XKR6: variants seen among roughly 807,000 people sequenced by gnomAD.
The protein encoded by XKR6 is XK related 6, also known as XK-related protein 6.
XKR6 carries 22 observed loss-of-function variants against 56.7 expected under a neutral mutation model. The ratio of observed to expected loss-of-function variants is 0.39; its 90% CI spans 0.28 to 0.55. XKR6 has a LOEUF of 0.55. Ranked by LOEUF, XKR6 falls within the 20% of genes least tolerant of loss-of-function variation. The pLI is 0.66. For missense variants in XKR6, 852 were observed against 889.0 expected (o/e 0.96, Z 0.53); for synonymous variants, 524 against 387.8 (o/e 1.35, Z -4.13).
At chr8:10,978,638 C>A (rs1797650117) in intron 1 of XKR6, among the ~76,000 whole-genome samples, 2 of 152,228 alleles carry the variant, frequency 1.3e-5, no homozygotes, top group South Asian at 4.1e-4. Context: ...CTGCCCTTAA[C>A]ATAGATGGAA....
chr8:11,051,805 T>C (rs1368022102), intron 1 of XKR6, among the ~76,000 whole-genome samples: 1 of 152,170 alleles, frequency 6.6e-6, no homozygotes, highest in Non-Finnish European at 1.5e-5. Context: ...TAGCCTTTTT[T>C]TCTGTGTTTC....
chr8:11,036,249 G>A (rs1799140472), intron 1 of XKR6, among the ~76,000 whole-genome samples: 2 of 152,100 alleles, frequency 1.3e-5, no homozygotes, highest in Admixed American at 1.3e-4. Context: ...CACCCAGCCT[G>A]GAAGTTCCTT....
At chr8:10,952,046 A>G (rs1192135598) in intron 1 of XKR6, among the ~76,000 whole-genome samples, 2 of 152,154 alleles carry the variant, frequency 1.3e-5, no homozygotes, top group Non-Finnish European at 2.9e-5. Flanking sequence ...GAGAAGGGCC[A>G]GCTATAAAGG....
At chr8:11,070,172 T>G (rs1390954181) in intron 1 of XKR6, among the ~76,000 whole-genome samples, 1 of 152,168 alleles carries the variant, frequency 6.6e-6, no homozygotes, top group African/African-American at 2.4e-5. Context: ...GACAAGAGTC[T>G]TTCATCTAGG....
intron 1 of XKR6, among the ~76,000 whole-genome samples, chr8:11,141,794 G>C (rs575833876): frequency 6.6e-6 from 1 of 152,286 alleles, no homozygotes; most frequent in South Asian, 2.1e-4. Flanking sequence ...AACTGAGAGG[G>C]AAAAGGTCCT....
chr8:10,925,183 G>A (rs926509007), intron 1 of XKR6, among the ~76,000 whole-genome samples: 2 of 152,182 alleles, frequency 1.3e-5, no homozygotes, highest in African/African-American at 4.8e-5. Context: ...ACAGGGGTGG[G>A]CTTTCAGGTT....
chr8:11,149,119 G>C (rs1341229448), intron 1 of XKR6, among the ~76,000 whole-genome samples: 2 of 152,206 alleles, frequency 1.3e-5, no homozygotes, highest in Non-Finnish European at 2.9e-5. Flanking sequence ...AACCCCTAAT[G>C]TGATGGAATC....
At chr8:11,163,347 C>G (rs976011977) in intron 1 of XKR6, among the ~76,000 whole-genome samples, 1 of 152,158 alleles carries the variant, frequency 6.6e-6, no homozygotes, top group Non-Finnish European at 1.5e-5. Flanking sequence ...TGAGTTCTAA[C>G]AAATGATTAC....
chr8:10,990,747 T>C (rs908981014), intron 1 of XKR6, among the ~76,000 whole-genome samples: 2 of 150,968 alleles, frequency 1.3e-5, no homozygotes, highest in Admixed American at 6.6e-5. Flanking sequence ...GCCCAGTTAA[T>C]GTTTAAATTT....
intron 1 of XKR6, among the ~76,000 whole-genome samples, chr8:10,926,966 C>T (rs774184588): frequency 1.3e-5 from 2 of 152,164 alleles, no homozygotes; most frequent in Non-Finnish European, 2.9e-5. Context: ...GTGAGACAGA[C>T]ACACACGGAG....
intron 1 of XKR6, among the ~76,000 whole-genome samples, chr8:11,094,946 G>C (rs533622732): frequency 1.3e-5 from 2 of 152,246 alleles, no homozygotes; most frequent in South Asian, 2.1e-4. Context: ...CTTAATACCT[G>C]GGTGATGGGA....
At chr8:11,037,379 C>T (rs1339141146) in intron 1 of XKR6, among the ~76,000 whole-genome samples, 1 of 152,192 alleles carries the variant, frequency 6.6e-6, no homozygotes, top group East Asian at 1.9e-4. Flanking sequence ...GTGCACATCA[C>T]CACGACTGGC....
intron 1 of XKR6, among the ~76,000 whole-genome samples, chr8:11,157,156 C>G (rs1042315918): frequency 2.6e-5 from 4 of 152,176 alleles, no homozygotes; most frequent in African/African-American, 9.7e-5. Context: ...CAGCAAGCCT[C>G]CAAACTGTCA....
At chr8:11,097,451 G>T (rs1222779673) in intron 1 of XKR6, among the ~76,000 whole-genome samples, 2 of 147,870 alleles carry the variant, frequency 1.4e-5, no homozygotes, top group South Asian at 2.2e-4. Context: ...CAGCACTGCT[G>T]AACACACAGG....
At chr8:11,145,483 C>A (rs1014628817) in intron 1 of XKR6, among the ~76,000 whole-genome samples, 1 of 151,830 alleles carries the variant, frequency 6.6e-6, no homozygotes, top group African/African-American at 2.4e-5. Flanking sequence ...TTCCCATAGC[C>A]GCTACCAAAA....
chr8:11,046,206 C>T (rs1465814963), intron 1 of XKR6, among the ~76,000 whole-genome samples: 3 of 152,064 alleles, frequency 2.0e-5, no homozygotes, highest in Non-Finnish European at 4.4e-5. Flanking sequence ...TGAGACCAGC[C>T]TGATCAATAT....
chr8:11,002,643 C>G (rs749942461), intron 1 of XKR6, among the ~76,000 whole-genome samples: 1 of 152,230 alleles, frequency 6.6e-6, no homozygotes, highest in African/African-American at 2.4e-5. Flanking sequence ...ACAGACGTGA[C>G]AAGTCATCAT....
chr8:11,199,808 A>G (rs1485166635), intron 1 of XKR6, among the ~76,000 whole-genome samples: 6 of 152,170 alleles, frequency 3.9e-5, no homozygotes, highest in Non-Finnish European at 8.8e-5. Flanking sequence ...TAAATCACTT[A>G]CACACTGGCC....
Position 10,897,876 on chromosome 8 carries a change from A to G in XKR6, c.*76T>C. On this transcript the variant is annotated 3_prime_UTR_variant, in exon 3 of 3. Coordinates refer to ENST00000416569, the MANE Select transcript of XKR6 (RefSeq NM_173683.4). ...GTGGTTCTGTGTATTGGGGGAAGGG[A>G]GGGTTATATTTCTTGCAAGTGCTGT... 6.7e-7 allele frequency: 1 copy of G among 1,489,446 alleles called. No homozygotes were observed. Among genetic ancestry groups the G allele is most frequent in the Non-Finnish European group, 8.9e-7 (1 of 1,123,588 alleles). The allele number at this position is 1,489,446 out of a possible 1,614,324, so 92.3% of individuals were successfully genotyped here.
Sources: allele counts gnomAD v4.1 joint callset (sites outside exome capture counted in the v4.1 genomes callset), GRCh38; gene constraint gnomAD v4.1.1; transcripts MANE v1.5; gene names NCBI Gene and HGNC (gene_info 2026-07-23, HGNC 2026-07-21).